The following VPS13A variants were observed in gnomAD, a reference collection of about 807,000 sequenced individuals.
VPS13A encodes the protein intermembrane lipid transfer protein VPS13A.
VPS13A carries 264 observed loss-of-function variants against 390.9 expected under a neutral mutation model. That is an observed-to-expected ratio of 0.68 (90% CI 0.61 to 0.75). The LOEUF is 0.75. Ranked by LOEUF, VPS13A falls within the 30% of genes least tolerant of loss-of-function variation. VPS13A has a pLI of 0.00. For missense variants in VPS13A, 3,409 were observed against 3,733.9 expected (o/e 0.91, Z 2.27); for synonymous variants, 1,231 against 1,227.1 (o/e 1.00, Z -0.07).
intron 71 of VPS13A, among the ~76,000 whole-genome samples, chr9:77,409,815 CT>C (rs1208795529): frequency 6.6e-6 from 1 of 151,254 alleles, no homozygotes; most frequent in Non-Finnish European, 1.5e-5. Flanking sequence ...AAATCTACGT[CT>C]GATTGTCATA....
chr9:77,298,288 G>C (rs1197910760), intron 33 of VPS13A, among the ~76,000 whole-genome samples: 2 of 152,176 alleles, frequency 1.3e-5, no homozygotes, highest in African/African-American at 4.8e-5. Context: ...GGAGTTCTTA[G>C]TAATAATTTG....
intron 20 of VPS13A, among the ~76,000 whole-genome samples, chr9:77,248,357 A>G (rs1355343056): frequency 6.6e-6 from 1 of 151,264 alleles, no homozygotes; most frequent in Non-Finnish European, 1.5e-5. Flanking sequence ...CTGGGACTCC[A>G]GGCCCCCGCC....
rs1831089613 is a variant in VPS13A, at chr9:77,345,310, C to T, written c.7289+168C>T. ...TTGAAGCATGTAGGGGTAAAACTGA[C>T]TTGATGTCTACAATTTATTTTGAAA... is the stretch of plus-strand genomic sequence containing the variant. On this transcript the variant is annotated intron_variant, in intron 52 of 71. Transcript: ENST00000360280. Among the ~76,000 whole-genome samples, 5 of 152,062 alleles carry T rather than the reference C, an allele frequency of 3.3e-5. No individual in the cohort carries two copies. In the South Asian group the frequency reaches 1.0e-3, roughly 32 times the overall value.
intron 22 of VPS13A, among the ~76,000 whole-genome samples, chr9:77,253,925 C>T (rs1032116525): frequency 4.0e-4 from 59 of 147,232 alleles, no homozygotes; most frequent in African/African-American, 1.3e-3. Context: ...GGATAAGGAC[C>T]GGCCTTTATT....
chr9:77,385,724 A>G (rs1315472907), intron 68 of VPS13A, among the ~76,000 whole-genome samples: 2 of 152,098 alleles, frequency 1.3e-5, no homozygotes, highest in East Asian at 3.9e-4. Flanking sequence ...TTTTGGATCA[A>G]CAAAGGAATA....
intron 47 of VPS13A, chr9:77,339,025 A>T (rs1830680011): frequency 5.7e-6 from 1 of 174,322 alleles, no homozygotes. Flanking sequence ...AGCAGTTTGG[A>T]GAGATACATA....
At chr9:77,294,371 G>A (rs553528158) in intron 32 of VPS13A, among the ~76,000 whole-genome samples, 101 of 151,896 alleles carry the variant, frequency 6.6e-4, no homozygotes, top group Non-Finnish European at 1.2e-3. Context: ...TTCCCTTGCT[G>A]TCAGCTGATA....
At chr9:77,228,939 AC>A (rs111374354) in intron 17 of VPS13A, among the ~76,000 whole-genome samples, 5 of 151,896 alleles carry the variant, frequency 3.3e-5, no homozygotes, top group Non-Finnish European at 7.4e-5. Context: ...TGGGGAAGCC[AC>A]CCCCATGATT....
chr9:77,354,905 C>T (rs1428331811), intron 54 of VPS13A, among the ~76,000 whole-genome samples: 1 of 152,122 alleles, frequency 6.6e-6, no homozygotes, highest in African/African-American at 2.4e-5. Context: ...CCTGTTTAAA[C>T]AGATTTTTCT....
intron 68 of VPS13A, among the ~76,000 whole-genome samples, chr9:77,401,550 T>C (rs1016579306): frequency 6.6e-6 from 1 of 152,210 alleles, no homozygotes; most frequent in African/African-American, 2.4e-5. Flanking sequence ...TTTATCTTTT[T>C]ATTACCCTTG....
chr9:77,382,297 T>C, intron 68 of VPS13A: 1 of 1,535,912 alleles, frequency 6.5e-7, no homozygotes, highest in Non-Finnish European at 8.8e-7. Context: ...AAGTTTGATA[T>C]GAAAAGTTAA....
chr9:77,308,132 CCTCTTTCT>C, intron 35 of VPS13A, 34 bp downstream of exon 35: 1 of 1,609,228 alleles, frequency 6.2e-7, no homozygotes, highest in Non-Finnish European at 8.5e-7. Context: ...TTTCTGCTTT[CCTCTTTCT>C]CTCTTTTTTC....
intron 45 of VPS13A, among the ~76,000 whole-genome samples, chr9:77,331,211 T>C (rs1830259777): frequency 6.6e-6 from 1 of 152,136 alleles, no homozygotes; most frequent in African/African-American, 2.4e-5. Flanking sequence ...AATACACATG[T>C]GTAAACATTT....
chr9:77,266,357 T>C (rs1826034565), intron 23 of VPS13A, among the ~76,000 whole-genome samples: 1 of 152,218 alleles, frequency 6.6e-6, no homozygotes, highest in Non-Finnish European at 1.5e-5. Context: ...TTGTTAGTTT[T>C]CTGTCTTCTT....
chr9:77,351,793 CG>C (rs1831484609), intron 53 of VPS13A, among the ~76,000 whole-genome samples: 1 of 151,974 alleles, frequency 6.6e-6, no homozygotes, highest in African/African-American at 2.4e-5. Flanking sequence ...CGCTTGAACC[CG>C]GGAGGCAGCG....
intron 19 of VPS13A, among the ~76,000 whole-genome samples, chr9:77,241,741 G>A (rs1468249507): frequency 6.6e-6 from 1 of 152,084 alleles, no homozygotes; most frequent in African/African-American, 2.4e-5. Flanking sequence ...TGGGTATGTT[G>A]GTGGCATAGC....
At chr9:77,204,959 T>A (rs1336470877) in intron 3 of VPS13A, among the ~76,000 whole-genome samples, 1 of 152,098 alleles carries the variant, frequency 6.6e-6, no homozygotes, top group Non-Finnish European at 1.5e-5. Context: ...TTAAAAAATA[T>A]AGGTTTAGAG....
chr9:77,344,213 G>A lies in VPS13A; in HGVS notation c.7087G>A (p.Glu2363Lys). 6.2e-7 allele frequency: 1 copy of A among 1,612,938 alleles called. No homozygotes were observed. ...SKLLIQVERSEDPPKRIYFNK... is the reference protein window; with the variant it reads ...SKLLIQVERSKDPPKRIYFNK... ...ACTTCTTATTCAAGTCGAAAGGAGT[G>A]AAGATCCTCCCAAAAGGATATATTT... Residue 2363 changes from glutamate (E) to lysine (K), a missense_variant, in exon 51 of 72, where the codon GAA (glutamate) becomes AAA (lysine). By Grantham distance (56) the Glu-to-Lys change is moderately conservative. Coordinates refer to ENST00000360280, the MANE Select transcript of VPS13A (RefSeq NM_033305.3).
chr9:77,304,921 T>C (rs1314700072), intron 34 of VPS13A, among the ~76,000 whole-genome samples: 5 of 151,850 alleles, frequency 3.3e-5, no homozygotes, highest in Non-Finnish European at 5.9e-5. Context: ...ACCATCATTT[T>C]AGAGATTTCA....
Sources: allele counts gnomAD v4.1 joint callset (sites outside exome capture counted in the v4.1 genomes callset), GRCh38; gene constraint gnomAD v4.1.1; transcripts MANE v1.5; gene names NCBI Gene and HGNC (gene_info 2026-07-23, HGNC 2026-07-21).